Variants in EHD4 observed in about 807,000 individuals in gnomAD.
EHD4 encodes EH domain-containing protein 4.
Under a neutral mutation model 51.0 loss-of-function variants are expected in EHD4, and 37 were observed. The observed-to-expected ratio is 0.73, with a 90% CI of 0.56 to 0.95. The LOEUF (loss-of-function observed/expected upper bound fraction) is 0.95, where lower values mean the gene tolerates loss of function less well. EHD4 is among the 40% of genes least tolerant of loss of function. The pLI is 0.00. For synonymous variants in EHD4, 297 were observed against 317.3 expected (o/e 0.94, Z 0.68); for missense variants, 632 against 733.1 (o/e 0.86, Z 1.59).
At chr15:41,907,856 GTGTGTGTGTGTGTGTA>G (rs2067522829) in intron 5 of EHD4, among the ~76,000 whole-genome samples, 1 of 106,244 alleles carries the variant, frequency 9.4e-6, no homozygotes, top group African/African-American at 4.0e-5. Context: ...GTGTGTGTGT[GTGTGTGTGTGTGTGTA>G]TATATTTATT....
intron 4 of EHD4, among the ~76,000 whole-genome samples, chr15:41,912,745 G>A (rs547676392): frequency 3.1e-4 from 47 of 152,218 alleles, no homozygotes; most frequent in African/African-American, 1.1e-3. Context: ...ATAATCCTTA[G>A]CATCATGAAA....
intron 2 of EHD4, among the ~76,000 whole-genome samples, chr15:41,944,629 T>G (rs911914853): frequency 6.6e-6 from 1 of 152,104 alleles, no homozygotes; most frequent in African/African-American, 2.4e-5. Context: ...TTCCTACATT[T>G]TCAAATCGGC....
rs1400526079 is a variant in EHD4 at position 41,972,272 on chromosome 15, T to A, written c.223A>T (p.Thr75Ser). Residue 75 changes from threonine to serine, a missense_variant, in exon 1 of 6, where the codon ACC becomes TCC. Physicochemically the swap from Thr to Ser is moderately conservative, Grantham distance 58. Coordinates refer to ENST00000220325, the MANE Select transcript of EHD4 (RefSeq NM_139265.4). ...CGGTGACGGTACCTGATGAAGGTGG[T>A]CTTGCCGGTGCTGTACTGGCCCACC... Reference protein sequence around the residue: ...LLVGQYSTGKTTFIRYLLEQD... With the variant: ...LLVGQYSTGKSTFIRYLLEQD... 1 of 1,573,690 alleles carries A rather than the reference T, an allele frequency of 6.4e-7. No individual in the cohort carries two copies. The highest frequency in any genetic ancestry group is 8.6e-7 in the Non-Finnish European group (1 of 1,161,980).
Position 41,918,217 on chromosome 15 carries a change from T to TACACACACACACACAC in EHD4, c.924+977_924+992dup, listed in dbSNP as rs10682608. The stretch of plus-strand genomic sequence containing the variant: ...ACATAGCCAATCACCCAGGGAGCTT[T>TACACACACACACACAC]ACACACACACACACACACACACACA... On this transcript the variant is annotated intron_variant, in intron 4 of 5. Transcript: ENST00000220325. Among the ~76,000 whole-genome samples the TACACACACACACACAC allele has an allele frequency of 9.7e-3, 1,424 of 147,364 alleles. 29 individuals carry two copies. The highest frequency in any genetic ancestry group is 0.034 in the African/African-American group (1,359 of 39,698).
In EHD4 at chr15:41,919,581, C is replaced by T; in HGVS notation, c.553G>A (p.Val185Met). Residue 185 changes from valine (V) to methionine (M), a missense_variant, in exon 4 of 6, where the codon GTG becomes ATG. By Grantham distance (21) the Val-to-Met change is conservative. Transcript: ENST00000220325. ...CQVLQWFAERVDRIILLFDAH... is the reference protein window; with the variant it reads ...CQVLQWFAERMDRIILLFDAH... ...TCAAAGAGCAGGATGATCCTGTCCACCCTCTCGGCAAACCACTGCAGGACC... is the reference window on the plus strand; with the variant it reads ...TCAAAGAGCAGGATGATCCTGTCCATCCTCTCGGCAAACCACTGCAGGACC... 6.6e-7 allele frequency: 1 copy of T among 1,518,384 alleles called. No homozygotes were observed. Among genetic ancestry groups the T allele is most frequent in the Non-Finnish European group, 8.8e-7 (1 of 1,134,440 alleles). The allele number at this position is 1,518,384 out of a possible 1,614,324, so 94.1% of individuals were successfully genotyped here.
chr15:41,949,051 T>TACATATATATATATATATATATAC (rs2067835559), intron 2 of EHD4, among the ~76,000 whole-genome samples: 1 of 109,432 alleles, frequency 9.1e-6, no homozygotes, highest in Non-Finnish European at 1.8e-5. Context: ...TATATATATA[T>TACATATATATATATATATATATAC]ACACACATAC....
intron 3 of EHD4, chr15:41,928,647 G>A (rs148621647): frequency 6.6e-6 from 1 of 152,320 alleles, no homozygotes; most frequent in Admixed American, 6.5e-5. Context: ...TGAGGAGGTT[G>A]TTCTTTTTCT....
At chr15:41,941,582 G>GTTTTTTTT (rs55852618) in intron 3 of EHD4, 3 of 141,964 alleles carry the variant, frequency 2.1e-5, no homozygotes, top group African/African-American at 5.1e-5. Context: ...GTTTTTTGGT[G>GTTTTTTTT]TTTTTTTTTT....
chr15:41,942,420 T>C (rs1347886731), intron 3 of EHD4: 1 of 147,872 alleles, frequency 6.8e-6, no homozygotes, highest in African/African-American at 2.5e-5. Flanking sequence ...AATTTTTGTA[T>C]TTTTAGTAGA....
At chr15:41,966,731 G>A (rs1211860507) in intron 1 of EHD4, among the ~76,000 whole-genome samples, 3 of 152,182 alleles carry the variant, frequency 2.0e-5, no homozygotes, top group Admixed American at 2.0e-4. Context: ...GCACATCCTG[G>A]TCTGATGGGT....
chr15:41,961,310 A>T (rs2067923023), intron 1 of EHD4, among the ~76,000 whole-genome samples: 1 of 152,196 alleles, frequency 6.6e-6, no homozygotes, highest in Non-Finnish European at 1.5e-5. Flanking sequence ...AAAGAAAGGG[A>T]GGGGAATTTC....
chr15:41,946,263 G>A (rs533000006), intron 2 of EHD4, among the ~76,000 whole-genome samples: 1 of 152,270 alleles, frequency 6.6e-6, no homozygotes, highest in East Asian at 1.9e-4. Context: ...GATAAATGTT[G>A]TCTTCTGAAG....
At chr15:41,949,051 T>C (rs2555559) in intron 2 of EHD4, among the ~76,000 whole-genome samples, 1,582 of 108,886 alleles carry the variant, frequency 0.015, 35 homozygotes, top group Middle Eastern at 0.057. Context: ...TATATATATA[T>C]ACACACATAC....
intron 3 of EHD4, chr15:41,921,838 T>C (rs1362875738): frequency 6.6e-6 from 1 of 152,162 alleles, no homozygotes; most frequent in Admixed American, 6.5e-5. Context: ...CCTCGCCCCA[T>C]TCCTTAGCAA....
intron 2 of EHD4, among the ~76,000 whole-genome samples, chr15:41,951,192 G>A (rs952656477): frequency 6.6e-6 from 1 of 152,164 alleles, no homozygotes; most frequent in Non-Finnish European, 1.5e-5. Flanking sequence ...CCCCTCCATT[G>A]AGGATAACAG....
intron 1 of EHD4, among the ~76,000 whole-genome samples, chr15:41,962,341 G>A (rs887630254): frequency 6.6e-6 from 1 of 152,088 alleles, no homozygotes; most frequent in Non-Finnish European, 1.5e-5. Context: ...GAAGAGTCTT[G>A]AGCTAAAATT....
At chr15:41,963,134 T>C (rs964105753) in intron 1 of EHD4, among the ~76,000 whole-genome samples, 1 of 152,078 alleles carries the variant, frequency 6.6e-6, no homozygotes, top group African/African-American at 2.4e-5. Context: ...TAATCTCAAG[T>C]ACCCAGGGAC....
intron 3 of EHD4, among the ~76,000 whole-genome samples, chr15:41,930,484 A>G (rs1158826917): frequency 1.3e-5 from 2 of 152,240 alleles, no homozygotes; most frequent in Non-Finnish European, 2.9e-5. Flanking sequence ...GTGGTTCAGA[A>G]GGGCAAAGGT....
At chr15:41,928,411 G>A (rs966645244) in intron 3 of EHD4, 1 of 152,082 alleles carries the variant, frequency 6.6e-6, no homozygotes, top group Non-Finnish European at 1.5e-5. Context: ...TGTTTCTCAG[G>A]GGAGCCCGGA....
Sources: gnomAD v4.1 joint callset for allele counts (sites outside exome capture counted in the v4.1 genomes callset) on GRCh38, gnomAD v4.1.1 for gene constraint, MANE v1.5 for transcripts, NCBI Gene and HGNC (gene_info 2026-07-23, HGNC 2026-07-21) for gene names.